SCML2: variants seen among roughly 807,000 people sequenced by gnomAD.
The protein encoded by SCML2 is Scm polycomb group protein like 2, also known as sex comb on midleg-like protein 2.
Under a neutral mutation model 48.4 loss-of-function variants are expected in SCML2, and 6 were observed. That is an observed-to-expected ratio of 0.12 (90% CI 0.07 to 0.24). SCML2 has a LOEUF of 0.24. Ranked by LOEUF, SCML2 falls within the 10% of genes least tolerant of loss-of-function variation. The probability of loss-of-function intolerance (pLI) is 1.00; values close to 1 mark genes in which losing one functional copy is unlikely to be tolerated. For missense variants in SCML2, 377 were observed against 528.2 expected, an observed-to-expected ratio of 0.71 and a Z score of 2.81; for synonymous variants, 181 against 189.5, an observed-to-expected ratio of 0.95 and a Z score of 0.37.
Position 18,256,836 on chromosome X carries a change from A to G in SCML2, c.1456+12T>C. ...GTGAAACAGAAGTGTAAGAGTTTAC[A>G]TTTTCTCTCACCTGACTGATTTTTA... On this transcript the variant is annotated intron_variant, in intron 11 of 14. Coordinates refer to ENST00000251900, the MANE Select transcript of SCML2 (RefSeq NM_006089.3). 8.7e-7 allele frequency: 1 copy of G among 1,147,468 alleles called. No homozygotes were observed. The highest frequency in any genetic ancestry group is 1.2e-6 in the Non-Finnish European group (1 of 863,450). The allele number at this position is 1,147,468 out of a possible 1,213,427, so 94.6% of individuals were successfully genotyped here.
chrX:18,323,190 C>G (rs760936474), intron 5 of SCML2, among the ~76,000 whole-genome samples: 2 of 112,050 alleles, frequency 1.8e-5, no homozygotes, highest in East Asian at 5.6e-4. Flanking sequence ...TCATTTCTTT[C>G]CTACAGAGTA....
At chrX:18,283,889 G>A (rs771160513) in intron 7 of SCML2, among the ~76,000 whole-genome samples, 1 of 111,943 alleles carries the variant, frequency 8.9e-6, no homozygotes, top group Non-Finnish European at 1.9e-5. Flanking sequence ...CAACACTATT[G>A]CTAACAAACT....
At chrX:18,293,380 C>G (rs775313800) in intron 7 of SCML2, among the ~76,000 whole-genome samples, 1 of 111,069 alleles carries the variant, frequency 9.0e-6, no homozygotes, top group Non-Finnish European at 1.9e-5. Flanking sequence ...TTTGGGTGAA[C>G]GCCAACTACA....
chrX:18,283,438 G>C (rs779901058), intron 7 of SCML2, among the ~76,000 whole-genome samples: 20 of 112,013 alleles, frequency 1.8e-4, no homozygotes, highest in Non-Finnish European at 3.8e-4. Flanking sequence ...AGTACTGGAA[G>C]TTCTAGCCAG....
chrX:18,285,974 C>T (rs1305470763), intron 7 of SCML2, among the ~76,000 whole-genome samples: 2 of 111,603 alleles, frequency 1.8e-5, no homozygotes, highest in Non-Finnish European at 3.8e-5. Context: ...GAATAGAATA[C>T]AACATATGCT....
chrX:18,244,140 C>CA (rs995589451), intron 13 of SCML2, among the ~76,000 whole-genome samples: 1 of 111,710 alleles, frequency 9.0e-6, no homozygotes, highest in African/African-American at 3.2e-5. Context: ...CCCCTCCACT[C>CA]AGAGAAAAAA....
Position 18,283,306 on chromosome X carries a change from A to G in SCML2, c.731-17504T>C, listed in dbSNP as rs747239694. Among the ~76,000 whole-genome samples the G allele has an allele frequency of 4.5e-5, 5 of 112,083 alleles. No individual in the cohort carries two copies. The South Asian group carries it at 1.9e-3, about 42-fold the overall frequency. On this transcript the variant is annotated intron_variant, in intron 7 of 14. Transcript: ENST00000251900. ...CATCAAACAAACATACCTCAAAATA[A>G]TAAGTGCCATCTATGACAAACCCAC...
chrX:18,313,290 T>C (rs188479822), intron 6 of SCML2, among the ~76,000 whole-genome samples: 252 of 110,809 alleles, frequency 2.3e-3, no homozygotes, highest in African/African-American at 7.8e-3. Flanking sequence ...GGGGAGGTAA[T>C]TGAATCATGG....
chrX:18,304,101 G>A (rs1437074307), intron 7 of SCML2, among the ~76,000 whole-genome samples: 1 of 111,263 alleles, frequency 9.0e-6, no homozygotes, highest in Non-Finnish European at 1.9e-5. Flanking sequence ...GTGCAGTGGC[G>A]CGATCTCAGC....
chrX:18,241,691 T>A (rs1415791882), intron 14 of SCML2, among the ~76,000 whole-genome samples: 1 of 112,114 alleles, frequency 8.9e-6, no homozygotes, highest in Non-Finnish European at 1.9e-5. Flanking sequence ...TCAAAAATTA[T>A]GAATGGTAGA....
intron 6 of SCML2, among the ~76,000 whole-genome samples, chrX:18,311,187 C>T (rs191224375): frequency 6.6e-4 from 74 of 111,547 alleles, no homozygotes; most frequent in African/African-American, 2.0e-3. Context: ...TTGACCTCAC[C>T]AATAATTTTA....
intron 1 of SCML2, among the ~76,000 whole-genome samples, chrX:18,345,201 C>G (rs765300743): frequency 2.3e-4 from 25 of 111,002 alleles, no homozygotes; most frequent in Non-Finnish European, 3.8e-4. Flanking sequence ...GTGTAAGTGC[C>G]TTTTCTCCCG....
chrX:18,350,737 C>T (rs1324731735), intron 1 of SCML2, among the ~76,000 whole-genome samples: 1 of 110,497 alleles, frequency 9.1e-6, no homozygotes, highest in Non-Finnish European at 1.9e-5. Context: ...AGCAAGACTC[C>T]GTATCAAAAA....
chrX:18,342,615 G>C (rs927768469), intron 1 of SCML2, among the ~76,000 whole-genome samples: 1 of 110,085 alleles, frequency 9.1e-6, no homozygotes, highest in Admixed American at 9.8e-5. Context: ...AGGAGGCTGA[G>C]GCAGTAGAAT....
chrX:18,267,878 G>A (rs1224107189), intron 7 of SCML2, among the ~76,000 whole-genome samples: 1 of 111,287 alleles, frequency 9.0e-6, no homozygotes, highest in Admixed American at 9.5e-5. Flanking sequence ...TTACAGGTGT[G>A]AGCCACTGCG....
chrX:18,328,952 C>G (rs1022678284), intron 3 of SCML2, among the ~76,000 whole-genome samples: 2 of 111,270 alleles, frequency 1.8e-5, no homozygotes, highest in East Asian at 2.8e-4. Flanking sequence ...ATGGGAAAAT[C>G]TATAGAGGCA....
intron 7 of SCML2, among the ~76,000 whole-genome samples, chrX:18,277,505 A>G (rs1242629272): frequency 8.9e-6 from 1 of 111,920 alleles, no homozygotes; most frequent in Non-Finnish European, 1.9e-5. Context: ...AAGATAAGTA[A>G]CCACCCAACC....
At chrX:18,340,220 C>G (rs180866272) in intron 1 of SCML2, among the ~76,000 whole-genome samples, 80 of 110,755 alleles carry the variant, frequency 7.2e-4, no homozygotes, top group African/African-American at 2.5e-3. Context: ...TCCAGACCAG[C>G]CTGGGCGGCA....
chrX:18,260,106 G>T, intron 9 of SCML2, 65 bp downstream of exon 9: 1 of 785,821 alleles, frequency 1.3e-6, no homozygotes, highest in Non-Finnish European at 1.7e-6. Context: ...GGACTTCGAA[G>T]ACACTGAAAA....
Sources: gnomAD v4.1 joint callset for allele counts (sites outside exome capture counted in the v4.1 genomes callset) on GRCh38, gnomAD v4.1.1 for gene constraint, MANE v1.5 for transcripts, NCBI Gene and HGNC (gene_info 2026-07-23, HGNC 2026-07-21) for gene names.